The following IHO1 variants were observed in gnomAD, a reference collection of about 807,000 sequenced individuals.
The protein encoded by IHO1 is interactor of HORMAD1 1, also known as interactor of HORMAD1 protein 1.
In IHO1, 13 loss-of-function variants were observed where a neutral mutation model predicts 31.0. The observed-to-expected ratio is 0.42, with a 90% CI of 0.27 to 0.67. IHO1 has a LOEUF of 0.67. IHO1 is among the 30% of genes least tolerant of loss of function. IHO1 has a pLI of 0.24. For missense variants in IHO1, 599 were observed against 687.5 expected, an observed-to-expected ratio of 0.87 and a Z score of 1.44; for synonymous variants, 221 against 248.4, an observed-to-expected ratio of 0.89 and a Z score of 1.04.
At chr3:49,209,505 A>T (rs1463998275) in intron 1 of IHO1, among the ~76,000 whole-genome samples, 1 of 151,648 alleles carries the variant, frequency 6.6e-6, no homozygotes, top group Non-Finnish European at 1.5e-5. Flanking sequence ...GAGTGACAGC[A>T]CATGCCTGTA....
In IHO1 at chr3:49,202,742, C is replaced by G. The variant is rs145716292; in HGVS notation, c.-16+3169C>G. ...CCAGGCTGGAGTACGATGGCGCAGT[C>G]TTGGCTCACTGCAACCTCCGCCTCC... On this transcript the variant is annotated intron_variant, in intron 1 of 7. Transcript: ENST00000452691. 1.6e-3 allele frequency among the ~76,000 whole-genome samples: 238 copies of G among 151,862 alleles called. 5 individuals are homozygous for G. The highest frequency in any genetic ancestry group is 6.8e-3 in the Middle Eastern group (2 of 292).
intron 2 of IHO1, among the ~76,000 whole-genome samples, chr3:49,234,162 G>GTT (rs56802492): frequency 0.39 from 35,701 of 91,494 alleles, 2,117 homozygotes; most frequent in East Asian, 0.54. Flanking sequence ...TTTTGTTGTT[G>GTT]TTTTTTTTTT....
intron 4 of IHO1, among the ~76,000 whole-genome samples, chr3:49,242,235 A>G (rs1366635279): frequency 6.6e-6 from 1 of 152,034 alleles, no homozygotes; most frequent in East Asian, 1.9e-4. Context: ...GAGCCACCGC[A>G]GTCTTCCCAC....
At chr3:49,214,619 TATATA>T in intron 2 of IHO1, among the ~76,000 whole-genome samples, 1 of 33,094 alleles carries the variant, frequency 3.0e-5, no homozygotes, top group African/African-American at 9.8e-5. Flanking sequence ...TATATATATA[TATATA>T]TATATATATT....
At chr3:49,254,676 G>A (rs1264244784) in intron 6 of IHO1, among the ~76,000 whole-genome samples, 2 of 152,132 alleles carry the variant, frequency 1.3e-5, no homozygotes, top group Non-Finnish European at 2.9e-5. Flanking sequence ...CCAGAGACAT[G>A]GAGGAGGACA....
At chr3:49,229,225 G>A (rs2046453721) in intron 2 of IHO1, among the ~76,000 whole-genome samples, 2 of 152,300 alleles carry the variant, frequency 1.3e-5, no homozygotes, top group South Asian at 4.1e-4. Flanking sequence ...GTCCCCACTA[G>A]ACCCAGGAAG....
intron 6 of IHO1, among the ~76,000 whole-genome samples, chr3:49,253,879 G>A (rs2046793325): frequency 7.3e-6 from 1 of 137,684 alleles, no homozygotes; most frequent in South Asian, 2.4e-4. Context: ...TGTCACCCAG[G>A]CTGGAGTGCA....
chr3:49,228,278 G>A lies in IHO1; in HGVS notation c.57-8270G>A, dbSNP rs530963364. On this transcript the variant is annotated intron_variant, in intron 2 of 7. Transcript: ENST00000452691. ...TCTCTGTCAACCTTTATCTCAGCCC[G>A]GAAGTACAGGAAAAGCAGAAGCTGG... is the stretch of plus-strand genomic sequence containing the variant. 75 of 447,010 alleles carry A rather than the reference G, an allele frequency of 1.7e-4. 1 individual carries two copies. The highest frequency in any genetic ancestry group is 3.4e-4 in the African/African-American group (17 of 49,744). 27.7% of individuals were successfully genotyped at this position (447,010 alleles called of 1,614,324 possible).
chr3:49,198,032 C>T (rs998004971), upstream of IHO1, among the ~76,000 whole-genome samples: 2 of 152,150 alleles, frequency 1.3e-5, no homozygotes, highest in African/African-American at 2.4e-5. Context: ...TGCATTTTCT[C>T]GAATTTTATA....
chr3:49,220,033 G>C (rs2046334765), intron 2 of IHO1, among the ~76,000 whole-genome samples: 1 of 152,186 alleles, frequency 6.6e-6, no homozygotes, highest in African/African-American at 2.4e-5. Context: ...GGAGGACACT[G>C]GGTGAAAAGT....
intron 1 of IHO1, among the ~76,000 whole-genome samples, chr3:49,201,441 G>A (rs1476438685): frequency 1.3e-5 from 2 of 151,954 alleles, no homozygotes; most frequent in Non-Finnish European, 2.9e-5. Context: ...TGGCCAACAT[G>A]GTGAAACCCT....
chr3:49,228,723 G>A (rs2046445838), intron 2 of IHO1, among the ~76,000 whole-genome samples: 1 of 152,182 alleles, frequency 6.6e-6, no homozygotes, highest in Non-Finnish European at 1.5e-5. Flanking sequence ...CTGACTTCAG[G>A]AGTGAAGCCA....
chr3:49,242,191 C>T (rs897555795), intron 4 of IHO1, among the ~76,000 whole-genome samples: 5 of 152,188 alleles, frequency 3.3e-5, no homozygotes, highest in Non-Finnish European at 5.9e-5. Flanking sequence ...GATCTGCCCA[C>T]TTCGGCCTCC....
Position 49,244,749 on chromosome 3 carries a change from T to C in IHO1, c.532+16T>C. ...GCCAAGACATGTGAGTGCCTCATGT[T>C]TGAGGTATCAGCAGAGGGCACTGGT... On this transcript the variant is annotated intron_variant, in intron 6 of 7. Coordinates refer to ENST00000452691, the MANE Select transcript of IHO1 (RefSeq NM_001135197.2). 1.2e-6 allele frequency: 2 copies of C among 1,603,962 alleles called. No homozygotes were observed. Among genetic ancestry groups the C allele is most frequent in the Admixed American group, 1.7e-5 (1 of 60,008 alleles).
chr3:49,251,543 C>G (rs947551956), intron 6 of IHO1, among the ~76,000 whole-genome samples: 1 of 152,004 alleles, frequency 6.6e-6, no homozygotes, highest in Admixed American at 6.6e-5. Context: ...TTGGCCTCCC[C>G]AAAGTGCTGG....
chr3:49,236,404 T>C (rs1254490158), intron 2 of IHO1, 144 bp from the exon 3 acceptor site: 2 of 576,356 alleles, frequency 3.5e-6, no homozygotes, highest in Non-Finnish European at 6.2e-6. Context: ...TGTGTTTCAT[T>C]GTACTGACAA....
intron 2 of IHO1, among the ~76,000 whole-genome samples, chr3:49,216,948 C>T (rs1249881075): frequency 6.6e-6 from 1 of 152,220 alleles, no homozygotes; most frequent in Non-Finnish European, 1.5e-5. Flanking sequence ...GATACCATCT[C>T]AAGCCAGTTA....
At chr3:49,217,782 C>CA (rs1449704009) in intron 2 of IHO1, among the ~76,000 whole-genome samples, 2 of 152,226 alleles carry the variant, frequency 1.3e-5, no homozygotes, top group African/African-American at 2.4e-5. Context: ...ATCAGATTCT[C>CA]ATAAGGAGCG....
rs1208037349 is a variant in IHO1, at chr3:49,256,183, T to C, written c.686T>C (p.Val229Ala). Residue 229 changes from valine to alanine, a missense_variant, in exon 8 of 8, where the codon GTT becomes GCT. Coordinates refer to ENST00000452691, the MANE Select transcript of IHO1 (RefSeq NM_001135197.2). The surrounding 1 kb of genome is among the most constrained non-coding windows in gnomAD (Gnocchi z 4.6). ...EMKSNLKHLE[V>A]LVAQQSQEFQ... Reference sequence around the variant, plus strand: ...AAGTCCAACCTGAAGCACCTTGAAGTTTTAGTTGCTCAGCAGAGTCAGGAA... The same window carrying C: ...AAGTCCAACCTGAAGCACCTTGAAGCTTTAGTTGCTCAGCAGAGTCAGGAA... The C allele has an allele frequency of 1.2e-6, 2 of 1,613,676 alleles. No individual in the cohort carries two copies.
Sources: allele counts gnomAD v4.1 joint callset (sites outside exome capture counted in the v4.1 genomes callset), GRCh38; gene constraint gnomAD v4.1.1; non-coding constraint Gnocchi (gnomAD v3.1); transcripts MANE v1.5; gene names NCBI Gene and HGNC (gene_info 2026-07-23, HGNC 2026-07-21).